The following TMTC2 variants were observed in gnomAD, a reference collection of about 807,000 sequenced individuals.
TMTC2 encodes the protein protein O-mannosyl-transferase TMTC2.
Under a neutral mutation model 82.4 loss-of-function variants are expected in TMTC2, and 43 were observed. The ratio of observed to expected loss-of-function variants is 0.52; its 90% CI spans 0.41 to 0.67. The LOEUF (loss-of-function observed/expected upper bound fraction) is 0.67, where lower values mean the gene tolerates loss of function less well. Ranked by LOEUF, TMTC2 falls within the 30% of genes least tolerant of loss-of-function variation. The pLI, the probability that TMTC2 is intolerant of heterozygous loss-of-function variation, is 0.00. For synonymous variants in TMTC2, 408 were observed against 381.9 expected (o/e 1.07, Z -0.80); for missense variants, 919 against 1,012.4 (o/e 0.91, Z 1.25).
intron 4 of TMTC2, among the ~76,000 whole-genome samples, chr12:82,938,183 GGAT>G (rs1256085214): frequency 6.6e-6 from 1 of 151,804 alleles, no homozygotes; most frequent in Non-Finnish European, 1.5e-5. Context: ...CAAAGTACTG[GGAT>G]TACAGGCATG....
In TMTC2 at chr12:82,962,092, C is replaced by G. The variant is rs76648559; in HGVS notation, c.1599-2932C>G. On this transcript the variant is annotated intron_variant, in intron 4 of 11. Coordinates refer to ENST00000321196, the MANE Select transcript of TMTC2 (RefSeq NM_152588.3). ...CCGGCCCCTCCCCACAAGAATAAGGCAGGCAGAACAGGGTTGTCCTAGTGT... is the reference window on the plus strand; with the variant it reads ...CCGGCCCCTCCCCACAAGAATAAGGGAGGCAGAACAGGGTTGTCCTAGTGT... Among the ~76,000 whole-genome samples, 57 of 152,122 alleles carry G rather than the reference C, an allele frequency of 3.7e-4. 2 individuals are homozygous for G. In the East Asian group the frequency reaches 0.011, roughly 29 times the overall value.
At chr12:82,763,191 GAA>G (rs61662116) in intron 1 of TMTC2, among the ~76,000 whole-genome samples, 4 of 149,416 alleles carry the variant, frequency 2.7e-5, no homozygotes, top group Non-Finnish European at 4.5e-5. Flanking sequence ...ATAGAAGCTA[GAA>G]AAAAAAAACA....
chr12:82,820,108 G>A (rs577744753), intron 1 of TMTC2, among the ~76,000 whole-genome samples: 10 of 152,260 alleles, frequency 6.6e-5, no homozygotes, highest in South Asian at 4.2e-4. Context: ...AGAGATGTAG[G>A]CTGGGAGAAT....
chr12:83,037,441 A>G (rs1371975031), intron 9 of TMTC2, among the ~76,000 whole-genome samples: 2 of 152,234 alleles, frequency 1.3e-5, no homozygotes, highest in Admixed American at 1.3e-4. Context: ...ATGAAAATAG[A>G]TTTTGAGTCT....
chr12:83,043,314 C>T (rs1005887056), intron 9 of TMTC2, among the ~76,000 whole-genome samples: 4 of 152,206 alleles, frequency 2.6e-5, no homozygotes, highest in Admixed American at 6.5e-5. Flanking sequence ...TCAACCCTCT[C>T]TTACCAGGAG....
chr12:82,860,430 C>T (rs1286590883), intron 2 of TMTC2, among the ~76,000 whole-genome samples: 2 of 152,190 alleles, frequency 1.3e-5, no homozygotes, highest in South Asian at 2.1e-4. Context: ...ATCTTTACTA[C>T]ACTCTGATAG....
intron 4 of TMTC2, among the ~76,000 whole-genome samples, chr12:82,934,805 C>A (rs1876228816): frequency 6.6e-6 from 1 of 152,144 alleles, no homozygotes; most frequent in Non-Finnish European, 1.5e-5. Flanking sequence ...ACACTGTCTT[C>A]CACAGTGTTT....
intron 3 of TMTC2, among the ~76,000 whole-genome samples, chr12:82,922,056 A>G (rs1044760446): frequency 1.3e-5 from 2 of 152,062 alleles, no homozygotes; most frequent in African/African-American, 2.4e-5. Flanking sequence ...GCACTGAGCC[A>G]TGATCATGCC....
chr12:82,805,497 CTTTTT>C (rs753878105), intron 1 of TMTC2, among the ~76,000 whole-genome samples: 2 of 90,564 alleles, frequency 2.2e-5, no homozygotes, highest in Non-Finnish European at 4.1e-5. Context: ...CCTCTCCCCA[CTTTTT>C]TTTTTTTTTT....
intron 1 of TMTC2, among the ~76,000 whole-genome samples, chr12:82,702,658 G>C (rs1301763797): frequency 6.6e-6 from 1 of 152,170 alleles, no homozygotes; most frequent in Non-Finnish European, 1.5e-5. Context: ...CAGGTGTGGT[G>C]GCTCACACAT....
intron 3 of TMTC2, among the ~76,000 whole-genome samples, chr12:82,899,728 TATATATATGTGGAATATATATATATAAGA>T (rs1176976778): frequency 6.6e-5 from 8 of 121,792 alleles, no homozygotes; most frequent in East Asian, 2.4e-4. Flanking sequence ...TATATAAGAA[TATATATATGTGGAATATATATATATAAGA>T]ATATATATGT....
At chr12:82,846,169 G>T (rs921496697) in intron 1 of TMTC2, among the ~76,000 whole-genome samples, 1 of 151,972 alleles carries the variant, frequency 6.6e-6, no homozygotes, top group Non-Finnish European at 1.5e-5. Context: ...GACCAGCCTG[G>T]CCAACATGGT....
chr12:82,882,675 A>G (rs1182689419), intron 2 of TMTC2, among the ~76,000 whole-genome samples: 1 of 152,068 alleles, frequency 6.6e-6, no homozygotes, highest in Non-Finnish European at 1.5e-5. Flanking sequence ...GCTGTCTGGA[A>G]ATTGCTGAAT....
chr12:82,877,268 C>T (rs536025455), intron 2 of TMTC2, among the ~76,000 whole-genome samples: 23 of 152,194 alleles, frequency 1.5e-4, no homozygotes, highest in Admixed American at 1.2e-3. Flanking sequence ...TCTCTGAAAC[C>T]GCATTCTTAA....
At chr12:83,008,702 A>T (rs1319099694) in intron 8 of TMTC2, among the ~76,000 whole-genome samples, 1 of 152,024 alleles carries the variant, frequency 6.6e-6, no homozygotes, top group African/African-American at 2.4e-5. Context: ...TGTTTTTTTG[A>T]TGAATGCAGG....
At chr12:83,074,868 C>T (rs1026492088) in intron 11 of TMTC2, among the ~76,000 whole-genome samples, 1 of 152,168 alleles carries the variant, frequency 6.6e-6, no homozygotes, top group Admixed American at 6.5e-5. Flanking sequence ...CTCCCCTAAG[C>T]TCCCCGCTAA....
chr12:82,838,940 C>T (rs936894623), intron 1 of TMTC2, among the ~76,000 whole-genome samples: 5 of 152,012 alleles, frequency 3.3e-5, no homozygotes, highest in Non-Finnish European at 7.4e-5. Flanking sequence ...TTTATGATGC[C>T]ATAAGTAAGT....
intron 1 of TMTC2, among the ~76,000 whole-genome samples, chr12:82,856,510 A>G (rs1385886624): frequency 6.6e-6 from 1 of 152,186 alleles, no homozygotes; most frequent in African/African-American, 2.4e-5. Context: ...CTGAATCAGA[A>G]CCTGCCTTTT....
At chr12:82,986,696 C>T (rs773356540) in intron 8 of TMTC2, 2 of 152,442 alleles carry the variant, frequency 1.3e-5, no homozygotes, top group African/African-American at 4.8e-5. Context: ...TGGCCTCTTA[C>T]TATGTGACAA....
Sources: gnomAD v4.1 joint callset for allele counts (sites outside exome capture counted in the v4.1 genomes callset) on GRCh38, gnomAD v4.1.1 for gene constraint, MANE v1.5 for transcripts, NCBI Gene and HGNC (gene_info 2026-07-23, HGNC 2026-07-21) for gene names.